RAB36: variants seen among roughly 807,000 people sequenced by gnomAD.
RAB36 encodes the protein ras-related protein Rab-36.
Under a neutral mutation model 39.3 loss-of-function variants are expected in RAB36, and 33 were observed. The observed-to-expected ratio is 0.84, with a 90% CI of 0.64 to 1.12. The LOEUF is 1.12. RAB36 is among the 50% of genes most tolerant of loss of function. The pLI is 0.00. For missense variants in RAB36, 308 were observed against 355.3 expected (o/e 0.87, Z 1.07); for synonymous variants, 133 against 140.2 (o/e 0.95, Z 0.36).
chr22:23,159,167 G>C lies in RAB36; in HGVS notation c.533G>C (p.Gly178Ala), dbSNP rs1371740853. 6.2e-7 allele frequency: 1 copy of C among 1,611,284 alleles called. No homozygotes were observed. Among genetic ancestry groups the C allele is most frequent in the Middle Eastern group, 1.7e-4 (1 of 6,050 alleles). Reference sequence around the variant, plus strand: ...AACAAGGGCCATTTCTCCCAGTCAGGGGCCGCATGTGAGCAGGCCGAAGCA... The same window carrying C: ...AACAAGGGCCATTTCTCCCAGTCAGCGGCCGCATGTGAGCAGGCCGAAGCA... ...LVGTKKDLLS[G>A]AACEQAEADA... Residue 178 changes from glycine to alanine, a missense_variant, in exon 9 of 11, where the codon GGG becomes GCG. Coordinates refer to ENST00000263116, the MANE Select transcript of RAB36 (RefSeq NM_004914.5).
intron 3 of RAB36, among the ~76,000 whole-genome samples, chr22:23,151,185 T>C (rs1348679269): frequency 6.6e-6 from 1 of 152,194 alleles, no homozygotes; most frequent in Non-Finnish European, 1.5e-5. Context: ...GAGATCAGAA[T>C]AGCCGAAGTG....
intron 1 of RAB36, chr22:23,146,048 C>G (rs2070752534): frequency 1.0e-6 from 1 of 981,286 alleles, no homozygotes; most frequent in African/African-American, 1.8e-5. Context: ...CAGAGGGGAG[C>G]TCCTCCTTGG....
chr22:23,149,995 C>A, intron 2 of RAB36, 68 bp from the exon 3 acceptor site: 2 of 1,275,806 alleles, frequency 1.6e-6, no homozygotes, highest in Non-Finnish European at 2.2e-6. Context: ...TCTCCCCTCA[C>A]TGCTTGGCTA....
intron 3 of RAB36, 21 bp from the exon 4 acceptor site, chr22:23,152,440 A>G (rs1016567888): frequency 2.5e-6 from 4 of 1,613,956 alleles, no homozygotes; most frequent in African/African-American, 1.3e-5. Context: ...CCCGACGGCA[A>G]CACGGCCATA....
chr22:23,162,743 C>T lies in RAB36; in HGVS notation c.*1179C>T, dbSNP rs925110128. On this transcript the variant is annotated 3_prime_UTR_variant, in exon 11 of 11. Transcript: ENST00000263116. ...TGTTGCTTCCCGTAGATGGCGAGCA[C>T]CTTGCAGGCAGCCTTCTGATCAGTA... The T allele has an allele frequency of 8.8e-6, 4 of 456,170 alleles. 1 individual carries two copies. Among genetic ancestry groups the T allele is most frequent in the Non-Finnish European group, 1.8e-5 (4 of 226,988 alleles). 28.3% of individuals were successfully genotyped at this position (456,170 alleles called of 1,614,324 possible). A position where few individuals can be genotyped will look rare whatever the true frequency, so the allele number is the denominator to read the frequency against.
At chr22:23,154,971 C>A (rs945391417) in intron 5 of RAB36, among the ~76,000 whole-genome samples, 6 of 152,084 alleles carry the variant, frequency 3.9e-5, no homozygotes, top group African/African-American at 1.4e-4. Context: ...ACTAAAAATA[C>A]AAAATTAGCC....
chr22:23,145,701 T>G, intron 1 of RAB36, 150 bp downstream of exon 1: 1 of 1,029,882 alleles, frequency 9.7e-7, no homozygotes, highest in Non-Finnish European at 1.4e-6. Flanking sequence ...GGCGTCCTCA[T>G]TTCCGGAGCG....
chr22:23,157,178 G>C (rs1474282892), intron 6 of RAB36, among the ~76,000 whole-genome samples: 1 of 152,068 alleles, frequency 6.6e-6, no homozygotes, highest in African/African-American at 2.4e-5. Context: ...AAGTTGTTTC[G>C]CTAAAGCAGG....
At chr22:23,160,779 G>A (rs1195795373) in intron 9 of RAB36, 100 bp from the exon 10 acceptor site, 11 of 1,512,094 alleles carry the variant, frequency 7.3e-6, no homozygotes, top group South Asian at 5.0e-5. Flanking sequence ...AAAGGGCTAC[G>A]TGCCAACCTG....
intron 6 of RAB36, 104 bp downstream of exon 6, chr22:23,156,136 G>A (rs1236753064): frequency 1.5e-6 from 1 of 680,744 alleles, no homozygotes; most frequent in Non-Finnish European, 2.2e-6. Context: ...CCAGTTTTTT[G>A]TCCTCCAAGA....
chr22:23,154,706 C>T (rs761372172), intron 5 of RAB36, among the ~76,000 whole-genome samples: 22 of 152,218 alleles, frequency 1.4e-4, no homozygotes, highest in Admixed American at 5.2e-4. Context: ...AGCCTCCCTA[C>T]GGGCTCATCT....
At chr22:23,159,409 C>T (rs1331355662) in intron 9 of RAB36, among the ~76,000 whole-genome samples, 156 bp downstream of exon 9, 1 of 152,240 alleles carries the variant, frequency 6.6e-6, no homozygotes, top group Non-Finnish European at 1.5e-5. Context: ...GTGCTGGTGC[C>T]TGGCAGCACT....
At chr22:23,148,491 G>A (rs796360371) in intron 2 of RAB36, among the ~76,000 whole-genome samples, 11 of 152,150 alleles carry the variant, frequency 7.2e-5, no homozygotes, top group South Asian at 4.1e-4. Flanking sequence ...TGACCTGGCC[G>A]TGTCTGGCTC....
intron 6 of RAB36, 26 bp downstream of exon 6, chr22:23,156,058 C>T (rs2071430249): frequency 6.3e-7 from 1 of 1,596,300 alleles, no homozygotes; most frequent in Non-Finnish European, 8.6e-7. Context: ...CGTCGGGGCT[C>T]AACTGCATGC....
chr22:23,158,248 C>A (rs1258729218), intron 7 of RAB36, among the ~76,000 whole-genome samples: 1 of 152,230 alleles, frequency 6.6e-6, no homozygotes, highest in Non-Finnish European at 1.5e-5. Flanking sequence ...GGAGCCAGCA[C>A]ATGAGTGTGA....
chr22:23,158,020 C>G lies in RAB36; in HGVS notation c.423C>G (p.Asp141Glu), dbSNP rs375286514. 3 of 1,614,088 alleles carry G rather than the reference C, an allele frequency of 1.9e-6. No individual in the cohort carries two copies. In the South Asian group the frequency reaches 3.3e-5, roughly 18 times the overall value. ...QVIITAFDLT[D>E]VQTLEHTRQW... ...TCATCACGGCCTTTGACCTCACTGA[C>G]GTGCAGACCCTGGAGCATACCAGGT... The change falls in exon 7 of 11, where the codon GAC becomes GAG. Residue 141 changes from aspartate (D) to glutamate (E), a missense_variant. Asp to Glu is a conservative substitution (Grantham distance 45). Transcript: ENST00000263116.
chr22:23,157,126 C>A (rs1272335479), intron 6 of RAB36, among the ~76,000 whole-genome samples: 1 of 152,174 alleles, frequency 6.6e-6, no homozygotes. Context: ...AGCTGAGGGC[C>A]CAGGCTGCAT....
chr22:23,154,143 C>CCCGGCACCTGGAGAATG (rs2071327976), intron 5 of RAB36, among the ~76,000 whole-genome samples: 1 of 152,136 alleles, frequency 6.6e-6, no homozygotes, highest in Non-Finnish European at 1.5e-5. Context: ...TTCCCTCTGC[C>CCCGGCACCTGGAGAATG]CCGGCACCTG....
Position 23,164,566 on chromosome 22 carries a change from T to C in RAB36, c.*3002T>C, listed in dbSNP as rs1467481200. On this transcript the variant is annotated 3_prime_UTR_variant, in exon 11 of 11. Coordinates refer to ENST00000263116, the MANE Select transcript of RAB36 (RefSeq NM_004914.5). ...ACTTTGATGATTTAATGAAGACATT[T>C]CCTTCTTTCCCAGCATCGGGCAGTA... is the stretch of plus-strand genomic sequence containing the variant. Among the ~76,000 whole-genome samples the C allele has an allele frequency of 6.6e-6, 1 of 152,162 alleles. No homozygotes were observed. Among genetic ancestry groups the C allele is most frequent in the African/African-American group, 2.4e-5 (1 of 41,440 alleles).
Sources: gnomAD v4.1 joint callset for allele counts (sites outside exome capture counted in the v4.1 genomes callset) on GRCh38, gnomAD v4.1.1 for gene constraint, MANE v1.5 for transcripts, NCBI Gene and HGNC (gene_info 2026-07-23, HGNC 2026-07-21) for gene names.